GAK: variants seen among roughly 807,000 people sequenced by gnomAD.
The protein encoded by GAK is cyclin G associated kinase.
GAK carries 79 observed loss-of-function variants against 143.9 expected under a neutral mutation model. That is an observed-to-expected ratio of 0.55 (90% CI 0.46 to 0.66). The LOEUF is 0.66. GAK is among the 30% of genes least tolerant of loss of function. The pLI, the probability that GAK is intolerant of heterozygous loss-of-function variation, is 0.00. For missense variants in GAK, 1,693 were observed against 1,779.7 expected, an observed-to-expected ratio of 0.95 and a Z score of 0.88; for synonymous variants, 881 against 765.5, an observed-to-expected ratio of 1.15 and a Z score of -2.49.
At chr4:856,454 A>G (rs1286373766) in intron 24 of GAK, among the ~76,000 whole-genome samples, 2 of 131,940 alleles carry the variant, frequency 1.5e-5, no homozygotes, top group Non-Finnish European at 1.6e-5. Context: ...TGCTCACTAC[A>G]GCTGCTCACC....
rs1319006468 is a variant in GAK, at chr4:867,341, T to C, written c.2487A>G (p.Ser829=). The change falls in exon 21 of 28, where the codon TCA becomes TCG. Residue 829 remains serine, a synonymous_variant. Coordinates refer to ENST00000314167, the MANE Select transcript of GAK (RefSeq NM_005255.4). ...LMEDRDESEV[S]DEGGSPISSE... is the part of the protein sequence containing the mutation. ...TGGAGATCGGGGATCCCCCTTCATCTGACACCTCACTCTCGTCTCTGTCCT... is the reference window on the plus strand; with the variant it reads ...TGGAGATCGGGGATCCCCCTTCATCCGACACCTCACTCTCGTCTCTGTCCT... 6.2e-7 allele frequency: 1 copy of C among 1,607,938 alleles called. No homozygotes were observed.
chr4:899,451 G>GGCA lies in GAK; in HGVS notation c.526-1296_526-1294dup, dbSNP rs557777724. Among the ~76,000 whole-genome samples the GGCA allele has an allele frequency of 3.3e-5, 5 of 151,952 alleles. No individual in the cohort carries two copies. The South Asian group carries it at 1.0e-3, about 32-fold the overall frequency. On this transcript the variant is annotated intron_variant, in intron 5 of 27. Transcript: ENST00000314167. The stretch of plus-strand genomic sequence containing the variant: ...CACAGGCAGCACAGGGCTCCGAGAG[G>GGCA]GCAGCACACCAGCCACGGACGGAAG...
chr4:924,172 C>T (rs1724326409), intron 1 of GAK, among the ~76,000 whole-genome samples: 2 of 97,566 alleles, frequency 2.0e-5, no homozygotes, highest in South Asian at 4.6e-4. Context: ...GCAAGACTCC[C>T]TCTCAAAAAA....
rs754690076 is a variant in GAK at position 911,770 on chromosome 4, G to A, written c.285C>T (p.His95=). 8.7e-6 allele frequency: 14 copies of A among 1,613,834 alleles called. No homozygotes were observed. Among genetic ancestry groups the A allele is most frequent in the Non-Finnish European group, 1.2e-5 (14 of 1,179,884 alleles). The change falls in exon 4 of 28, where the codon CAC becomes CAT. Residue 95 remains histidine, a synonymous_variant. Coordinates refer to ENST00000314167, the MANE Select transcript of GAK (RefSeq NM_005255.4). ...EVCFMKKLSG[H]PNIVQFCSAA... is the part of the protein sequence containing the mutation. ...CAGAACAAAACTGGACAATGTTCGG[G>A]TGGCCGGAAAGCTTTTTCTGCAGTT...
intron 5 of GAK, among the ~76,000 whole-genome samples, chr4:899,375 G>A (rs1390647561): frequency 2.0e-5 from 3 of 151,938 alleles, no homozygotes; most frequent in African/African-American, 2.4e-5. Flanking sequence ...AGGGCAGCAC[G>A]CCAGCCACAG....
chr4:876,607 C>T lies in GAK; in HGVS notation c.1977G>A (p.Met659Ile), dbSNP rs776111695. ...STLGGRLQAK[M>I]ASMKMFQIQF... ...GAATCTGGAACATCTTCATGGATGC[C>T]ATCTGCAAAGAGAGCAAACACGACA... Residue 659 changes from methionine (M) to isoleucine (I), a missense_variant and splice_region_variant, in exon 18 of 28, where the codon ATG (methionine) becomes ATA (isoleucine). This residue lies in a region of GAK where 871 missense variants were observed against 991.0 expected (regional missense o/e 0.88). Transcript: ENST00000314167. 8 of 1,614,054 alleles carry T rather than the reference C, an allele frequency of 5.0e-6. No homozygotes were observed. The highest frequency in any genetic ancestry group is 6.8e-6 in the Non-Finnish European group (8 of 1,179,940).
chr4:919,618 G>A (rs904455918), intron 1 of GAK, among the ~76,000 whole-genome samples: 3 of 152,236 alleles, frequency 2.0e-5, no homozygotes, highest in Non-Finnish European at 2.9e-5. Flanking sequence ...GCTCCCTTGC[G>A]TCCCTCAGGA....
In GAK at chr4:888,915, C is replaced by T. The variant is rs1717090388; in HGVS notation, c.1137G>A (p.Arg379=). Residue 379 remains arginine (R), a synonymous_variant, in exon 11 of 28, where the codon CGG becomes CGA. Coordinates refer to ENST00000314167, the MANE Select transcript of GAK (RefSeq NM_005255.4). ...QPYGGFLDIL[R]GGTERLFTNL... is the part of the protein sequence containing the mutation. The stretch of plus-strand genomic sequence containing the variant: ...TGGTGAAGAGCCGCTCTGTCCCACC[C>T]CGCAGAATGTCCAGGAAGCCGCCAT... 6.2e-7 allele frequency: 1 copy of T among 1,612,650 alleles called. No individual in the cohort carries two copies. The highest frequency in any genetic ancestry group is 8.5e-7 in the Non-Finnish European group (1 of 1,179,718).
intron 4 of GAK, among the ~76,000 whole-genome samples, chr4:906,781 C>T (rs1721158944): frequency 6.6e-6 from 1 of 152,188 alleles, no homozygotes; most frequent in South Asian, 2.1e-4. Context: ...AGGCCAGTAC[C>T]ACCACCCACG....
intron 4 of GAK, among the ~76,000 whole-genome samples, chr4:904,985 C>T (rs1213992767): frequency 1.3e-5 from 2 of 152,212 alleles, no homozygotes; most frequent in Admixed American, 1.3e-4. Flanking sequence ...ATCTCCTCTT[C>T]GTTTGCAACT....
intron 24 of GAK, among the ~76,000 whole-genome samples, chr4:854,105 GC>G: frequency 6.6e-6 from 1 of 150,980 alleles, no homozygotes; most frequent in East Asian, 1.9e-4. Context: ...GCCGTCTCTC[GC>G]CCATTTTCTT....
At chr4:876,645 G>A (rs771910094) in intron 17 of GAK, 36 bp from the exon 18 acceptor site, 1 of 1,585,510 alleles carries the variant, frequency 6.3e-7, no homozygotes, top group South Asian at 1.1e-5. Flanking sequence ...CCACGTGGAG[G>A]GTGAATCCAG....
Position 849,309 on chromosome 4 carries a change from A to G in GAK, c.*364T>C. ...AAAATAGTTTAATTCTGTACAGACA[A>G]CCACGGGACTGATTACAAAGTGCGG... is the stretch of plus-strand genomic sequence containing the variant. On this transcript the variant is annotated 3_prime_UTR_variant, in exon 28 of 28. Transcript: ENST00000314167. The G allele has an allele frequency of 7.2e-6, 2 of 276,184 alleles. No homozygotes were observed. The highest frequency in any genetic ancestry group is 1.1e-4 in the South Asian group (2 of 17,718). The allele number at this position is 276,184 out of a possible 1,614,324, so 17.1% of individuals were successfully genotyped here. A position where few individuals can be genotyped will look rare whatever the true frequency, so the allele number is the denominator to read the frequency against.
At chr4:859,361 C>A (rs1158615111) in intron 24 of GAK, 1 of 1,454,768 alleles carries the variant, frequency 6.9e-7, no homozygotes, top group Non-Finnish European at 9.1e-7. Flanking sequence ...GGATCACGCA[C>A]CACAATGCCG....
At chr4:904,876 A>G in intron 4 of GAK, 97 bp from the exon 5 acceptor site, 1 of 1,271,078 alleles carries the variant, frequency 7.9e-7, no homozygotes, top group Non-Finnish European at 1.1e-6. Flanking sequence ...ACTAAATGGA[A>G]AGGAAAACCC....
intron 18 of GAK, among the ~76,000 whole-genome samples, chr4:872,926 C>T (rs1254899305): frequency 6.6e-6 from 1 of 152,036 alleles, no homozygotes; most frequent in East Asian, 1.9e-4. Flanking sequence ...TCCTCTCGCC[C>T]AGGCACGGCG....
At chr4:861,545 C>T (rs1302154735) in intron 23 of GAK, among the ~76,000 whole-genome samples, 3 of 152,114 alleles carry the variant, frequency 2.0e-5, no homozygotes, top group Non-Finnish European at 2.9e-5. Context: ...GAGCCATGAT[C>T]GTGCCACTGC....
At chr4:878,572 T>C (rs1195712660) in intron 15 of GAK, among the ~76,000 whole-genome samples, 1 of 152,222 alleles carries the variant, frequency 6.6e-6, no homozygotes, top group Non-Finnish European at 1.5e-5. Flanking sequence ...GGTTGGCACA[T>C]TCGGTTCTTC....
At chr4:907,898 G>A (rs1213992034) in intron 4 of GAK, among the ~76,000 whole-genome samples, 1 of 152,274 alleles carries the variant, frequency 6.6e-6, no homozygotes, top group South Asian at 2.1e-4. Context: ...AGTCTGCCTC[G>A]TGTATTTATG....
Sources: gnomAD v4.1 joint callset for allele counts (sites outside exome capture counted in the v4.1 genomes callset) on GRCh38, gnomAD v4.1.1 for gene constraint, gnomAD v4.1.1 regional missense constraint, MANE v1.5 for transcripts, NCBI Gene and HGNC (gene_info 2026-07-23, HGNC 2026-07-21) for gene names.